Variants in PDE1A observed in about 807,000 individuals in gnomAD.
The protein encoded by PDE1A is dual specificity calcium/calmodulin-dependent 3',5'-cyclic nucleotide phosphodiesterase 1A.
In PDE1A, 35 loss-of-function variants were observed where a neutral mutation model predicts 61.7. That is an observed-to-expected ratio of 0.57 (90% CI 0.43 to 0.75). The LOEUF is 0.75. Ranked by LOEUF, PDE1A falls within the 30% of genes least tolerant of loss-of-function variation. The probability of loss-of-function intolerance (pLI) is 0.00; values close to 1 mark genes in which losing one functional copy is unlikely to be tolerated. For synonymous variants in PDE1A, 232 were observed against 213.2 expected (o/e 1.09, Z -0.77); for missense variants, 597 against 630.6 (o/e 0.95, Z 0.57).
intron 13 of PDE1A, among the ~76,000 whole-genome samples, chr2:182,150,796 A>T (rs1690737383): frequency 6.6e-6 from 1 of 152,202 alleles, no homozygotes; most frequent in South Asian, 2.1e-4. Context: ...AGGCTTTTAG[A>T]TTGCAATTTA....
chr2:182,365,407 C>T (rs1482874006), intron 1 of PDE1A, among the ~76,000 whole-genome samples: 1 of 151,936 alleles, frequency 6.6e-6, no homozygotes, highest in African/African-American at 2.4e-5. Context: ...CCTCTGCTGG[C>T]ATAATTTTGA....
rs1192252753 is a variant in PDE1A at position 182,208,761 on chromosome 2, C to T, written c.777-2696G>A. On this transcript the variant is annotated intron_variant, in intron 7 of 13. Coordinates refer to ENST00000351439, the Ensembl canonical transcript of PDE1A. ...TGGAGTCAAAAAGATTATTTGGGGT[C>T]TTTAAGATTAAATAACTGCCCTGCT... Among the ~76,000 whole-genome samples the T allele has an allele frequency of 4.6e-5, 7 of 152,306 alleles. No individual in the cohort carries two copies. In the East Asian group the frequency reaches 9.7e-4, roughly 21 times the overall value.
intron 13 of PDE1A, among the ~76,000 whole-genome samples, chr2:182,178,552 A>T (rs1027349484): frequency 6.6e-6 from 1 of 152,148 alleles, no homozygotes. Context: ...CGAGGGAAAA[A>T]CAAGAAAGAA....
exon 4 of PDE1A, chr2:182,234,488 T>C (rs776126222): frequency 1.7e-5 from 27 of 1,598,494 alleles, no homozygotes; most frequent in Non-Finnish European, 2.2e-5. Context: ...TGATATGTTT[T>C]TCGGTACATT....
At chr2:182,377,136 G>C (rs1039252427) in intron 1 of PDE1A, among the ~76,000 whole-genome samples, 1 of 152,122 alleles carries the variant, frequency 6.6e-6, no homozygotes, top group Non-Finnish European at 1.5e-5. Context: ...TTGGATATTT[G>C]TCCCTGCCCA....
the PDE1A span, among the ~76,000 whole-genome samples, chr2:182,535,349 T>TAGG: frequency 6.6e-6 from 1 of 151,604 alleles, no homozygotes; most frequent in Non-Finnish European, 1.5e-5. Context: ...GATTTAAAAC[T>TAGG]CATGTCTAAT....
chr2:182,147,193 A>T, intron 13 of PDE1A, 41 bp from the exon 14 acceptor site: 4 of 1,232,210 alleles, frequency 3.2e-6, no homozygotes, highest in Non-Finnish European at 4.7e-6. Context: ...AAACAAAATA[A>T]GGCTTTGGAA....
At chr2:182,490,592 C>T (rs1440858446) in intron 2 of PDE1A, among the ~76,000 whole-genome samples, 2 of 152,094 alleles carry the variant, frequency 1.3e-5, no homozygotes, top group Admixed American at 6.5e-5. Context: ...CCAGGATGGT[C>T]TCGATCTCCT....
intron 13 of PDE1A, among the ~76,000 whole-genome samples, chr2:182,169,215 C>T (rs968333770): frequency 6.6e-6 from 1 of 151,784 alleles, no homozygotes; most frequent in African/African-American, 2.4e-5. Context: ...TTACTATTTA[C>T]CAGACTTTAC....
At chr2:182,443,479 T>G (rs1658451870) in intron 2 of PDE1A, among the ~76,000 whole-genome samples, 1 of 151,858 alleles carries the variant, frequency 6.6e-6, no homozygotes, top group African/African-American at 2.4e-5. Flanking sequence ...ATCTCCCCCT[T>G]GCTGGTCTCG....
chr2:182,298,216 A>C (rs1249185570), intron 1 of PDE1A, among the ~76,000 whole-genome samples: 1 of 152,172 alleles, frequency 6.6e-6, no homozygotes, highest in African/African-American at 2.4e-5. Context: ...TGTAAAGGCA[A>C]TGGTAATTAT....
At chr2:182,387,565 C>G (rs1701186967) in intron 1 of PDE1A, among the ~76,000 whole-genome samples, 2 of 151,942 alleles carry the variant, frequency 1.3e-5, no homozygotes, top group African/African-American at 4.8e-5. Flanking sequence ...TGAGACCAGC[C>G]TGGCCAATGT....
chr2:182,229,965 G>GCTT lies in PDE1A; in HGVS notation c.675+38_675+40dup, dbSNP rs781586212. 86 of 1,526,070 alleles carry GCTT rather than the reference G, an allele frequency of 5.6e-5. No homozygotes were observed. In the East Asian group the frequency reaches 1.9e-3, roughly 35 times the overall value. The allele number at this position is 1,526,070 out of a possible 1,614,324, so 94.5% of individuals were successfully genotyped here. On this transcript the variant is annotated intron_variant, in intron 6 of 13. Transcript: ENST00000351439. ...ACTTATAGGAATGGAAGTTTGGAAT[G>GCTT]CTTCCAAACTAACAAACCTCAGTTA...
At chr2:182,479,218 G>A (rs148949802) in intron 2 of PDE1A, among the ~76,000 whole-genome samples, 2 of 151,870 alleles carry the variant, frequency 1.3e-5, no homozygotes, top group Non-Finnish European at 2.9e-5. Flanking sequence ...ATCAGGAAAA[G>A]TGAACTTTAC....
At chr2:182,339,247 T>A (rs74828833) in intron 1 of PDE1A, among the ~76,000 whole-genome samples, 2 of 152,128 alleles carry the variant, frequency 1.3e-5, no homozygotes, top group Non-Finnish European at 2.9e-5. Flanking sequence ...CAATGAAATT[T>A]GTATTTCTCA....
At chr2:182,235,755 T>G (rs554803308) in intron 3 of PDE1A, among the ~76,000 whole-genome samples, 1 of 152,342 alleles carries the variant, frequency 6.6e-6, no homozygotes, top group Non-Finnish European at 1.5e-5. Context: ...ACAAAAGGCC[T>G]GGACAATGCC....
chr2:182,440,709 C>T (rs1396075533), intron 2 of PDE1A, among the ~76,000 whole-genome samples: 1 of 151,862 alleles, frequency 6.6e-6, no homozygotes, highest in Non-Finnish European at 1.5e-5. Flanking sequence ...CTTATTATCC[C>T]AATATTATGT....
the PDE1A span, among the ~76,000 whole-genome samples, chr2:182,537,925 A>C: frequency 1.3e-5 from 2 of 152,066 alleles, no homozygotes; most frequent in Non-Finnish European, 2.9e-5. Flanking sequence ...ATTTTGAACA[A>C]GAGATTGAAG....
At chr2:182,238,287 A>AAAAAAAAG (rs1690226195) in intron 3 of PDE1A, among the ~76,000 whole-genome samples, 2 of 151,736 alleles carry the variant, frequency 1.3e-5, no homozygotes, top group Admixed American at 1.3e-4. Context: ...AAAAAAGAAA[A>AAAAAAAAG]AGAAAAAGAA....
Sources: gnomAD v4.1 joint callset for allele counts (sites outside exome capture counted in the v4.1 genomes callset) on GRCh38, gnomAD v4.1.1 for gene constraint, MANE v1.5 for transcripts, NCBI Gene and HGNC (gene_info 2026-07-23, HGNC 2026-07-21) for gene names.